ZFHX3: variants seen among roughly 807,000 people sequenced by gnomAD.
ZFHX3 encodes the protein zinc finger homeobox protein 3.
In ZFHX3, 42 loss-of-function variants were observed where a neutral mutation model predicts 279.1. That is an observed-to-expected ratio of 0.15 (90% CI 0.12 to 0.19). The LOEUF (loss-of-function observed/expected upper bound fraction) is 0.19, where lower values mean the gene tolerates loss of function less well. Among genes scored for constraint, ZFHX3 ranks in the 10% least tolerant of loss-of-function variants. The pLI is 1.00. For synonymous variants in ZFHX3, 2,293 were observed against 1,957.8 expected, an observed-to-expected ratio of 1.17 and a Z score of -4.52; for missense variants, 4,981 against 4,754.0, an observed-to-expected ratio of 1.05 and a Z score of -1.40.
chr16:73,289,156 C>T (rs1052766048), intron 4 of ZFHX3, among the ~76,000 whole-genome samples: 5 of 151,596 alleles, frequency 3.3e-5, no homozygotes, highest in Non-Finnish European at 7.4e-5. Flanking sequence ...AATCGCTGGC[C>T]TGTTCCTATT....
At chr16:73,693,083 A>G (rs1468731534) in intron 1 of ZFHX3, among the ~76,000 whole-genome samples, 1 of 152,190 alleles carries the variant, frequency 6.6e-6, no homozygotes, top group Non-Finnish European at 1.5e-5. Flanking sequence ...AGGTCTCTAA[A>G]AGTAAAGTTA....
At chr16:72,861,511 T>C (rs1298062309) in intron 4 of ZFHX3, among the ~76,000 whole-genome samples, 1 of 152,116 alleles carries the variant, frequency 6.6e-6, no homozygotes, top group East Asian at 1.9e-4. Context: ...TCCTGATACC[T>C]GGGTAATTTC....
intron 4 of ZFHX3, among the ~76,000 whole-genome samples, chr16:73,274,758 C>A (rs149026353): frequency 2.5e-4 from 38 of 152,312 alleles, no homozygotes; most frequent in African/African-American, 7.2e-4. Context: ...GACTTCCCTA[C>A]CTCCTCCCTG....
chr16:73,439,857 A>G lies in ZFHX3; in HGVS notation c.-1291+16146T>C, dbSNP rs563834146. ...TTTGCCTTGAAAGGCTGAGGCTTGT[A>G]TAAAGAGGCCCCTGGCAGCTGACTG... On this transcript the variant is annotated intron_variant, in intron 3 of 17. Coordinates refer to the ZFHX3 transcript ENST00000641206. Among the ~76,000 whole-genome samples, 20 of 140,602 alleles carry G rather than the reference A, an allele frequency of 1.4e-4. No individual in the cohort carries two copies. In the South Asian group the frequency reaches 2.2e-3, roughly 15 times the overall value. 92.2% of individuals were successfully genotyped at this position (140,602 alleles called of 152,430 possible). A position where few individuals can be genotyped will look rare whatever the true frequency, so the allele number is the denominator to read the frequency against.
chr16:73,053,635 T>C (rs919233492), intron 1 of ZFHX3, among the ~76,000 whole-genome samples: 3 of 152,068 alleles, frequency 2.0e-5, no homozygotes, highest in Non-Finnish European at 2.9e-5. Flanking sequence ...TCGGAGTGTT[T>C]AACCAGATTT....
intron 1 of ZFHX3, among the ~76,000 whole-genome samples, chr16:73,783,780 C>T (rs1281355993): frequency 6.6e-6 from 1 of 152,190 alleles, no homozygotes; most frequent in Non-Finnish European, 1.5e-5. Flanking sequence ...ACTATCATCC[C>T]ATTTTCCAGA....
chr16:73,508,135 G>T (rs1350246351), intron 2 of ZFHX3, among the ~76,000 whole-genome samples: 1 of 152,150 alleles, frequency 6.6e-6, no homozygotes, highest in Non-Finnish European at 1.5e-5. Flanking sequence ...CTCACAGAGA[G>T]GTTAGTGAAT....
At chr16:73,386,766 T>G in intron 3 of ZFHX3, 1 of 131,650 alleles carries the variant, frequency 7.6e-6, no homozygotes. Context: ...AAAAAAAAGA[T>G]TCTAGAGATT....
At chr16:73,150,183 C>T (rs1010473875) in intron 5 of ZFHX3, among the ~76,000 whole-genome samples, 1 of 152,170 alleles carries the variant, frequency 6.6e-6, no homozygotes. Flanking sequence ...TCACTCTTCC[C>T]CCACCACAGA....
intron 4 of ZFHX3, among the ~76,000 whole-genome samples, chr16:73,291,654 A>G (rs1282875343): frequency 6.6e-6 from 1 of 152,166 alleles, no homozygotes; most frequent in Non-Finnish European, 1.5e-5. Context: ...AGGTCTTAGC[A>G]CCTGGTAAGC....
At chr16:73,159,944 G>A (rs895407395) in intron 5 of ZFHX3, among the ~76,000 whole-genome samples, 1 of 152,014 alleles carries the variant, frequency 6.6e-6, no homozygotes, top group African/African-American at 2.4e-5. Flanking sequence ...TGTATTTTTA[G>A]TAGAGATGGG....
At chr16:73,654,039 C>G (rs2052697317) in intron 2 of ZFHX3, among the ~76,000 whole-genome samples, 1 of 152,042 alleles carries the variant, frequency 6.6e-6, no homozygotes, top group Non-Finnish European at 1.5e-5. Flanking sequence ...AAAAAATTAG[C>G]CGGGCGTGGT....
At chr16:73,857,741 T>C (rs1039308791) in intron 1 of ZFHX3, among the ~76,000 whole-genome samples, 2 of 152,312 alleles carry the variant, frequency 1.3e-5, no homozygotes. Flanking sequence ...TCCCCTTCTA[T>C]GTGATGTCAG....
chr16:72,946,918 T>G (rs1476782224), intron 3 of ZFHX3, among the ~76,000 whole-genome samples: 2 of 152,194 alleles, frequency 1.3e-5, no homozygotes, highest in Admixed American at 1.3e-4. Context: ...GAGAGACAAG[T>G]GCCTTCTGCA....
intron 1 of ZFHX3, among the ~76,000 whole-genome samples, chr16:72,971,862 T>C (rs1333560226): frequency 6.6e-6 from 1 of 151,524 alleles, no homozygotes; most frequent in Non-Finnish European, 1.5e-5. Context: ...ACATTTCTTT[T>C]GTGAACTGCC....
intron 1 of ZFHX3, among the ~76,000 whole-genome samples, chr16:73,860,760 T>C (rs535864713): frequency 6.6e-6 from 1 of 152,290 alleles, no homozygotes; most frequent in African/African-American, 2.4e-5. Flanking sequence ...TGCAGAACTC[T>C]GCTTGTCATT....
intron 4 of ZFHX3, among the ~76,000 whole-genome samples, chr16:73,313,449 T>C (rs1310982475): frequency 1.3e-5 from 2 of 152,214 alleles, no homozygotes; most frequent in Non-Finnish European, 2.9e-5. Context: ...AAACACAGTT[T>C]GGAATGCTGC....
intron 3 of ZFHX3, among the ~76,000 whole-genome samples, chr16:73,437,282 T>C (rs1457250336): frequency 6.6e-6 from 1 of 152,186 alleles, no homozygotes; most frequent in East Asian, 1.9e-4. Context: ...AATTAACTAG[T>C]AACAAAGGCA....
chr16:73,554,125 C>T (rs188957866), intron 2 of ZFHX3: 1 of 152,318 alleles, frequency 6.6e-6, no homozygotes, highest in East Asian at 1.9e-4. Context: ...ATTCATCTCA[C>T]TCTGCTATCT....
Sources: allele counts gnomAD v4.1 joint callset (sites outside exome capture counted in the v4.1 genomes callset), GRCh38; gene constraint gnomAD v4.1.1; transcripts MANE v1.5; gene names NCBI Gene and HGNC (gene_info 2026-07-23, HGNC 2026-07-21).